GBE1: variants seen among roughly 807,000 people sequenced by gnomAD.
GBE1 encodes 1,4-alpha-glucan branching enzyme 1, also known as 1,4-alpha-glucan-branching enzyme.
GBE1 carries 70 observed loss-of-function variants against 88.8 expected under a neutral mutation model. The observed-to-expected ratio is 0.79, with a 90% CI of 0.65 to 0.96. GBE1 has a LOEUF of 0.96. Ranked by LOEUF, GBE1 falls within the 40% of genes least tolerant of loss-of-function variation. The pLI is 0.00. For missense variants in GBE1, 872 were observed against 871.0 expected, an observed-to-expected ratio of 1.00 and a Z score of -0.01; for synonymous variants, 284 against 300.1, an observed-to-expected ratio of 0.95 and a Z score of 0.56.
At chr3:81,642,272 A>T (rs1416927404) in intron 7 of GBE1, among the ~76,000 whole-genome samples, 1 of 152,098 alleles carries the variant, frequency 6.6e-6, no homozygotes, top group Non-Finnish European at 1.5e-5. Context: ...ATAAGATAAA[A>T]TAGGTAGCTA....
rs1452107871 is a variant in GBE1 at position 81,539,914 on chromosome 3, T to C, written c.1619-2819A>G. ...GGTACTGAAACTCAAGAGAGAATTG[T>C]AGGTGGGGAGAAAGAGTAATTTATA... is the stretch of plus-strand genomic sequence containing the variant. On this transcript the variant is annotated intron_variant, in intron 12 of 15. Transcript: ENST00000429644. 2.6e-5 allele frequency among the ~76,000 whole-genome samples: 4 copies of C among 151,914 alleles called. No individual in the cohort carries two copies. The East Asian group carries it at 7.8e-4, about 30-fold the overall frequency.
At chr3:81,575,096 C>A (rs958417124) in intron 12 of GBE1, among the ~76,000 whole-genome samples, 1 of 149,992 alleles carries the variant, frequency 6.7e-6, no homozygotes, top group Middle Eastern at 3.2e-3. Context: ...ACCCGGGAAG[C>A]AGAGCTTGCA....
chr3:81,644,443 G>C (rs1301339445), intron 6 of GBE1, among the ~76,000 whole-genome samples: 1 of 152,136 alleles, frequency 6.6e-6, no homozygotes. Context: ...CAGGGGACTG[G>C]GGCAGGGTTG....
chr3:81,714,060 G>GA (rs1429827433), intron 1 of GBE1, among the ~76,000 whole-genome samples: 35 of 152,276 alleles, frequency 2.3e-4, no homozygotes, highest in African/African-American at 8.4e-4. Flanking sequence ...AAGACAACCA[G>GA]AAAAGAGAAT....
intron 12 of GBE1, among the ~76,000 whole-genome samples, chr3:81,566,136 T>C (rs573205250): frequency 2.0e-5 from 3 of 152,194 alleles, no homozygotes; most frequent in Non-Finnish European, 4.4e-5. Context: ...TCCTCCAAAA[T>C]CCTCTTGCTA....
chr3:81,703,329 G>C (rs1220270001), intron 2 of GBE1, among the ~76,000 whole-genome samples: 2 of 151,934 alleles, frequency 1.3e-5, no homozygotes, highest in Admixed American at 1.3e-4. Context: ...AAGCTAATCT[G>C]AATTATCAGA....
intron 2 of GBE1, among the ~76,000 whole-genome samples, chr3:81,681,558 T>A (rs368506845): frequency 5.3e-5 from 8 of 152,318 alleles, no homozygotes; most frequent in African/African-American, 1.9e-4. Flanking sequence ...TAGCCACTTA[T>A]GAAAATATAC....
At chr3:81,544,985 A>G (rs1703188371) in intron 12 of GBE1, among the ~76,000 whole-genome samples, 2 of 152,166 alleles carry the variant, frequency 1.3e-5, no homozygotes, top group Admixed American at 6.5e-5. Flanking sequence ...TGGATTTTAC[A>G]TAATTTGTTA....
intron 3 of GBE1, among the ~76,000 whole-genome samples, chr3:81,654,227 A>G (rs1270068029): frequency 3.9e-5 from 6 of 152,190 alleles, no homozygotes; most frequent in Non-Finnish European, 8.8e-5. Flanking sequence ...AGTCAAATTA[A>G]CTTAGTGAAT....
At chr3:81,643,030 A>T (rs1704709683) in intron 6 of GBE1, 40 bp from the exon 7 acceptor site, 2 of 1,366,634 alleles carry the variant, frequency 1.5e-6, no homozygotes, top group African/African-American at 1.4e-5. Flanking sequence ...ATTACATCAC[A>T]TTTAGAGGAA....
chr3:81,741,017 C>T (rs189061251), intron 1 of GBE1, among the ~76,000 whole-genome samples: 9 of 152,226 alleles, frequency 5.9e-5, no homozygotes, highest in Admixed American at 2.6e-4. Context: ...TCATACAGCA[C>T]CAAATCTGGC....
At chr3:81,715,827 G>A (rs1398822810) in intron 1 of GBE1, among the ~76,000 whole-genome samples, 2 of 151,630 alleles carry the variant, frequency 1.3e-5, no homozygotes, top group African/African-American at 4.8e-5. Context: ...TTTATGACAC[G>A]TTACATCTTT....
chr3:81,564,198 C>T (rs1703459680), intron 12 of GBE1, among the ~76,000 whole-genome samples: 1 of 152,100 alleles, frequency 6.6e-6, no homozygotes, highest in African/African-American at 2.4e-5. Context: ...ATACAATGCC[C>T]ATCCTCACAT....
chr3:81,515,509 A>G (rs1247068069), intron 14 of GBE1, among the ~76,000 whole-genome samples: 2 of 151,378 alleles, frequency 1.3e-5, no homozygotes, highest in African/African-American at 4.8e-5. Flanking sequence ...GGGCCTCCGT[A>G]TTGTCTAAGA....
At chr3:81,760,322 G>A (rs1249978607) in intron 1 of GBE1, among the ~76,000 whole-genome samples, 2 of 152,148 alleles carry the variant, frequency 1.3e-5, no homozygotes, top group African/African-American at 4.8e-5. Flanking sequence ...TTTAATACCT[G>A]AAAATGCTAG....
At chr3:81,610,859 C>T (rs1421228255) in intron 7 of GBE1, among the ~76,000 whole-genome samples, 1 of 152,128 alleles carries the variant, frequency 6.6e-6, no homozygotes, top group Non-Finnish European at 1.5e-5. Context: ...CCGTTAAAAA[C>T]ATAAAAGTGG....
intron 14 of GBE1, among the ~76,000 whole-genome samples, chr3:81,504,437 T>C (rs921234877): frequency 1.3e-5 from 2 of 152,084 alleles, no homozygotes; most frequent in Non-Finnish European, 1.5e-5. Flanking sequence ...TACAAAACAC[T>C]GGATCATAAA....
At chr3:81,740,568 A>G (rs1461182710) in intron 1 of GBE1, among the ~76,000 whole-genome samples, 1 of 152,178 alleles carries the variant, frequency 6.6e-6, no homozygotes, top group East Asian at 1.9e-4. Flanking sequence ...AAATGGCTAC[A>G]ATAACCAGCA....
intron 7 of GBE1, among the ~76,000 whole-genome samples, chr3:81,622,717 T>C (rs1225717153): frequency 6.6e-6 from 1 of 152,210 alleles, no homozygotes; most frequent in East Asian, 1.9e-4. Context: ...GATTTGTGAA[T>C]GGCTACAGTG....
Sources: allele counts gnomAD v4.1 joint callset (sites outside exome capture counted in the v4.1 genomes callset), GRCh38; gene constraint gnomAD v4.1.1; transcripts MANE v1.5; gene names NCBI Gene and HGNC (gene_info 2026-07-23, HGNC 2026-07-21).